MICU1: variants seen among roughly 807,000 people sequenced by gnomAD.
MICU1 encodes mitochondrial calcium uptake 1.
A neutral mutation model predicts 56.8 loss-of-function variants in MICU1; 45 were observed. The observed-to-expected ratio is 0.79, with a 90% confidence interval of 0.62 to 1.02. MICU1 has a LOEUF of 1.02. Ranked by LOEUF, MICU1 falls within the 50% of genes least tolerant of loss-of-function variation. The probability of loss-of-function intolerance (pLI) is 0.00; values close to 1 mark genes in which losing one functional copy is unlikely to be tolerated. For missense variants in MICU1, 504 were observed against 587.1 expected (o/e 0.86, Z 1.46); for synonymous variants, 186 against 195.1 (o/e 0.95, Z 0.39).
At chr10:72,513,997 T>C (rs905606300) in intron 5 of MICU1, among the ~76,000 whole-genome samples, 1 of 151,924 alleles carries the variant, frequency 6.6e-6, no homozygotes, top group African/African-American at 2.4e-5. Flanking sequence ...TTTTAAAGTA[T>C]AAGTCTCTTC....
In MICU1 at chr10:72,569,328, G is replaced by A. The variant is rs555838059; in HGVS notation, c.-1-2534C>T. Among the ~76,000 whole-genome samples the A allele has an allele frequency of 2.8e-5, 4 of 142,440 alleles. No individual in the cohort carries two copies. The East Asian group carries it at 6.3e-4, about 22-fold the overall frequency. 93.4% of individuals were successfully genotyped at this position (142,440 alleles called of 152,430 possible). ...CAGTTCACTGCAACCTCTGCCTCTC[G>A]GATTCAAGCAATTCTCCTGTCTCAG... On this transcript the variant is annotated intron_variant, in intron 1 of 11. Coordinates refer to ENST00000361114, the MANE Select transcript of MICU1 (RefSeq NM_001195518.2).
chr10:72,376,953 T>C (rs1835754910), intron 10 of MICU1, among the ~76,000 whole-genome samples: 1 of 151,950 alleles, frequency 6.6e-6, no homozygotes, highest in Admixed American at 6.6e-5. Context: ...GTGGTGTGAG[T>C]ACACTAAGGC....
At chr10:72,561,323 GT>G (rs899326666) in intron 3 of MICU1, among the ~76,000 whole-genome samples, 19 of 152,332 alleles carry the variant, frequency 1.2e-4, no homozygotes, top group Admixed American at 9.8e-4. Flanking sequence ...GAAATGGAAA[GT>G]GTGACTGGCC....
chr10:72,451,584 C>T (rs1043343178), intron 8 of MICU1, among the ~76,000 whole-genome samples: 15 of 152,238 alleles, frequency 9.9e-5, no homozygotes, highest in African/African-American at 3.1e-4. Flanking sequence ...CTCACTCTCA[C>T]CCAGGCTGGA....
chr10:72,596,619 C>T (rs1272356162), intron 1 of MICU1, among the ~76,000 whole-genome samples: 1 of 151,726 alleles, frequency 6.6e-6, no homozygotes, highest in African/African-American at 2.4e-5. Flanking sequence ...ACCTGTAATC[C>T]CCAGCACTTT....
intron 6 of MICU1, among the ~76,000 whole-genome samples, chr10:72,482,036 CTGTTT>C (rs1409410624): frequency 2.0e-5 from 3 of 152,066 alleles, no homozygotes; most frequent in African/African-American, 7.2e-5. Context: ...CACATTTTTT[CTGTTT>C]TGTTTTAGTA....
chr10:72,372,687 A>G (rs1349572513), intron 11 of MICU1, among the ~76,000 whole-genome samples: 2 of 151,950 alleles, frequency 1.3e-5, no homozygotes, highest in African/African-American at 4.8e-5. Flanking sequence ...AAAAATACAA[A>G]AAAAATTAAC....
intron 1 of MICU1, among the ~76,000 whole-genome samples, chr10:72,601,413 A>G (rs2132547559): frequency 6.7e-6 from 1 of 149,730 alleles, no homozygotes; most frequent in East Asian, 1.9e-4. Flanking sequence ...GTCAGAGCAA[A>G]TGAGACCCTG....
rs139011963 is a variant in MICU1 at position 72,370,352 on chromosome 10, T to C, written c.1271-1997A>G. Among the ~76,000 whole-genome samples, 1,339 of 152,234 alleles carry C rather than the reference T, an allele frequency of 8.8e-3. 23 individuals carry two copies. The highest frequency in any genetic ancestry group is 0.031 in the African/African-American group (1,267 of 41,524). ...CCCACAAACCTACCTCTACTCATGATTGGTCTGGGAAGAGTGTGGTAAGAA... is the reference window on the plus strand; with the variant it reads ...CCCACAAACCTACCTCTACTCATGACTGGTCTGGGAAGAGTGTGGTAAGAA... On this transcript the variant is annotated intron_variant, in intron 11 of 11. Coordinates refer to ENST00000361114, the MANE Select transcript of MICU1 (RefSeq NM_001195518.2).
chr10:72,472,419 T>A (rs751698985), intron 8 of MICU1, among the ~76,000 whole-genome samples: 1 of 152,228 alleles, frequency 6.6e-6, no homozygotes, highest in Non-Finnish European at 1.5e-5. Flanking sequence ...TTCCTCTGTA[T>A]GCGATGAAGA....
rs920368700 is a variant in MICU1, at chr10:72,512,170, G to A, written c.538-3901C>T. On this transcript the variant is annotated intron_variant, in intron 5 of 11. Transcript: ENST00000361114. ...TTTTGTCGCCAGGCTGGAGTACAGTGGCACAATCTCTGCTTACTGCAATCT... is the reference window on the plus strand; with the variant it reads ...TTTTGTCGCCAGGCTGGAGTACAGTAGCACAATCTCTGCTTACTGCAATCT... Among the ~76,000 whole-genome samples the A allele has an allele frequency of 2.3e-5, 3 of 129,616 alleles. No homozygotes were observed. The Admixed American group carries it at 2.7e-4, about 12-fold the overall frequency. The allele number at this position is 129,616 out of a possible 152,430, so 85.0% of individuals were successfully genotyped here. A position where few individuals can be genotyped will look rare whatever the true frequency, so the allele number is the denominator to read the frequency against.
At chr10:72,471,413 C>A (rs1381034838) in intron 8 of MICU1, among the ~76,000 whole-genome samples, 1 of 152,140 alleles carries the variant, frequency 6.6e-6, no homozygotes, top group African/African-American at 2.4e-5. Context: ...GGGCTTTCAA[C>A]TCTATAGCAT....
chr10:72,501,249 A>G (rs1867058880), intron 6 of MICU1, among the ~76,000 whole-genome samples: 1 of 151,982 alleles, frequency 6.6e-6, no homozygotes, highest in Non-Finnish European at 1.5e-5. Flanking sequence ...AGGAGTAAAG[A>G]GGGGATACAA....
At chr10:72,502,966 G>C (rs917646728) in intron 6 of MICU1, 3 of 162,152 alleles carry the variant, frequency 1.9e-5, no homozygotes, top group African/African-American at 7.2e-5. Context: ...TGAAGTTACA[G>C]CTTAACACTG....
intron 5 of MICU1, among the ~76,000 whole-genome samples, chr10:72,527,387 T>G (rs1199980237): frequency 1.3e-5 from 2 of 152,142 alleles, no homozygotes; most frequent in Admixed American, 6.6e-5. Flanking sequence ...GTTTTGTTTT[T>G]TTGAGACAGG....
intron 10 of MICU1, among the ~76,000 whole-genome samples, chr10:72,396,649 A>C (rs1863273345): frequency 6.6e-6 from 1 of 152,238 alleles, no homozygotes; most frequent in Admixed American, 6.6e-5. Context: ...CACAAGCTTC[A>C]ATAGCTGATT....
Position 72,431,090 on chromosome 10 carries a change from GTCTGTCTA to G in MICU1, c.934-7727_934-7720del, listed in dbSNP as rs1455473136. Among the ~76,000 whole-genome samples the G allele has an allele frequency of 4.4e-3, 453 of 102,012 alleles. 2 individuals carry two copies. The highest frequency in any genetic ancestry group is 0.016 in the African/African-American group (425 of 25,814). 66.9% of individuals were successfully genotyped at this position (102,012 alleles called of 152,430 possible). ...TACTGCTTTGAATATACCTTTATCT[GTCTGTCTA>G]TCTATCTATCTATCTATCTATCTAT... On this transcript the variant is annotated intron_variant, in intron 8 of 11. Transcript: ENST00000361114.
At chr10:72,373,472 G>C (rs1351504664) in intron 11 of MICU1, among the ~76,000 whole-genome samples, 3 of 152,078 alleles carry the variant, frequency 2.0e-5, no homozygotes, top group Non-Finnish European at 4.4e-5. Flanking sequence ...CCACTCTACA[G>C]GCTTTCCTTT....
chr10:72,510,792 C>T (rs1867420714), intron 5 of MICU1, among the ~76,000 whole-genome samples: 2 of 152,052 alleles, frequency 1.3e-5, no homozygotes, highest in East Asian at 1.9e-4. Context: ...ACCACCACGC[C>T]CATCTAATTT....
Sources: allele counts gnomAD v4.1 joint callset (sites outside exome capture counted in the v4.1 genomes callset), GRCh38; gene constraint gnomAD v4.1.1; transcripts MANE v1.5; gene names NCBI Gene and HGNC (gene_info 2026-07-23, HGNC 2026-07-21).